CFAP54: variants seen among roughly 807,000 people sequenced by gnomAD.
CFAP54 encodes cilia and flagella associated protein 54.
Under a neutral mutation model 370.4 loss-of-function variants are expected in CFAP54, and 290 were observed. The ratio of observed to expected loss-of-function variants is 0.78; its 90% CI spans 0.71 to 0.86. CFAP54 has a LOEUF of 0.86. Among genes scored for constraint, CFAP54 ranks in the 40% least tolerant of loss-of-function variants. The pLI is 0.00. For synonymous variants in CFAP54, 1,206 were observed against 1,236.5 expected (o/e 0.98, Z 0.52); for missense variants, 3,399 against 3,528.7 (o/e 0.96, Z 0.93).
intron 36 of CFAP54, among the ~76,000 whole-genome samples, chr12:96,655,371 A>G (rs1253799076): frequency 6.6e-6 from 1 of 152,044 alleles, no homozygotes; most frequent in Non-Finnish European, 1.5e-5. Context: ...GGATGACCAA[A>G]TAGTTGATGA....
intron 1 of CFAP54, among the ~76,000 whole-genome samples, chr12:96,498,908 A>G (rs1466289291): frequency 6.6e-6 from 1 of 152,238 alleles, no homozygotes; most frequent in Non-Finnish European, 1.5e-5. Flanking sequence ...TCCAAAATAT[A>G]CGAAGAACTC....
At chr12:96,798,771 T>C (rs770101269) in intron 63 of CFAP54, among the ~76,000 whole-genome samples, 1 of 152,206 alleles carries the variant, frequency 6.6e-6, no homozygotes, top group Non-Finnish European at 1.5e-5. Flanking sequence ...TTTTAAATTA[T>C]TATGTTTTTA....
At chr12:96,500,992 A>G in intron 2 of CFAP54, 53 bp downstream of exon 2, 1 of 1,109,556 alleles carries the variant, frequency 9.0e-7, no homozygotes, top group Admixed American at 2.2e-5. Flanking sequence ...GCTAATTATT[A>G]TTACAGTATT....
intron 38 of CFAP54, among the ~76,000 whole-genome samples, chr12:96,659,938 C>G (rs1015892221): frequency 6.6e-6 from 1 of 152,212 alleles, no homozygotes; most frequent in Admixed American, 6.5e-5. Flanking sequence ...GGTGAGAATA[C>G]AGTTCTGAGT....
chr12:96,841,252 T>C (rs933126306), intron 66 of CFAP54, among the ~76,000 whole-genome samples: 12 of 152,216 alleles, frequency 7.9e-5, no homozygotes, highest in African/African-American at 2.7e-4. Context: ...AACTGCACTT[T>C]CCTGAAGTTT....
intron 14 of CFAP54, among the ~76,000 whole-genome samples, chr12:96,547,123 A>C (rs1955648730): frequency 6.6e-6 from 1 of 152,138 alleles, no homozygotes; most frequent in Admixed American, 6.5e-5. Flanking sequence ...ATAAAGTACA[A>C]GTCTTCTCTG....
intron 27 of CFAP54, 87 bp downstream of exon 27, chr12:96,621,808 T>C (rs373923928): frequency 6.0e-6 from 6 of 1,000,708 alleles, no homozygotes; most frequent in Non-Finnish European, 6.5e-6. Context: ...TATTAGAAAA[T>C]TGGTAAGTTT....
chr12:96,826,549 A>G (rs1461767443), intron 65 of CFAP54, among the ~76,000 whole-genome samples: 2 of 78,526 alleles, frequency 2.5e-5, no homozygotes, highest in African/African-American at 5.3e-5. Flanking sequence ...TATATAATTT[A>G]TATATAATAT....
intron 26 of CFAP54, among the ~76,000 whole-genome samples, chr12:96,614,249 C>T (rs767015042): frequency 1.3e-5 from 2 of 152,098 alleles, no homozygotes; most frequent in Non-Finnish European, 2.9e-5. Context: ...ATAAATAGAA[C>T]CAAAGACAAA....
At chr12:96,799,676 A>AT (rs1958802428) in intron 63 of CFAP54, among the ~76,000 whole-genome samples, 1 of 152,220 alleles carries the variant, frequency 6.6e-6, no homozygotes, top group Non-Finnish European at 1.5e-5. Context: ...TATTTCACAT[A>AT]TTTTAAAAGT....
intron 55 of CFAP54, among the ~76,000 whole-genome samples, chr12:96,750,192 G>A (rs538539145): frequency 6.6e-6 from 1 of 152,278 alleles, no homozygotes; most frequent in African/African-American, 2.4e-5. Context: ...TGCCTGCCCT[G>A]GTTCCCAGGC....
chr12:96,748,160 A>G (rs181994034), intron 55 of CFAP54, among the ~76,000 whole-genome samples: 2 of 152,188 alleles, frequency 1.3e-5, no homozygotes, highest in East Asian at 3.9e-4. Context: ...GCCATCCCCA[A>G]TTAGATGAGA....
chr12:96,626,791 A>T (rs2136471360), intron 29 of CFAP54, 22 bp from the exon 30 acceptor site: 1 of 1,280,334 alleles, frequency 7.8e-7, no homozygotes, highest in Admixed American at 2.8e-5. Flanking sequence ...TTAACTATAT[A>T]TGAACTTCCT....
At chr12:96,724,447 G>T (rs1373096478) in intron 50 of CFAP54, among the ~76,000 whole-genome samples, 14 of 152,230 alleles carry the variant, frequency 9.2e-5, no homozygotes, top group South Asian at 4.1e-4. Flanking sequence ...CATTTTTTCA[G>T]GTGTCTTTTG....
chr12:96,862,708 C>T (rs924758956), intron 67 of CFAP54, among the ~76,000 whole-genome samples: 3 of 152,124 alleles, frequency 2.0e-5, no homozygotes, highest in African/African-American at 7.2e-5. Flanking sequence ...TGTCTATACC[C>T]TCATATGAAA....
intron 40 of CFAP54, 105 bp downstream of exon 40, chr12:96,679,857 A>G (rs910858635): frequency 3.6e-6 from 4 of 1,124,322 alleles, no homozygotes; most frequent in Non-Finnish European, 5.2e-6. Flanking sequence ...TGTACATGCA[A>G]CACTCCCTGA....
At chr12:96,738,870 A>C (rs1177845351) in intron 50 of CFAP54, among the ~76,000 whole-genome samples, 1 of 152,132 alleles carries the variant, frequency 6.6e-6, no homozygotes, top group African/African-American at 2.4e-5. Context: ...TCAGCCTCCC[A>C]AAGTGCTGGG....
chr12:96,805,097 G>A (rs1958863897), intron 63 of CFAP54, among the ~76,000 whole-genome samples: 1 of 151,904 alleles, frequency 6.6e-6, no homozygotes, highest in Non-Finnish European at 1.5e-5. Context: ...ACTGAAGATG[G>A]ATTAATGACC....
At chr12:96,583,099 T>C (rs1415511403) in intron 22 of CFAP54, among the ~76,000 whole-genome samples, 1 of 152,182 alleles carries the variant, frequency 6.6e-6, no homozygotes, top group Admixed American at 6.5e-5. Context: ...CTTTAGGTTG[T>C]ACTTTTTACT....
Sources: allele counts gnomAD v4.1 joint callset (sites outside exome capture counted in the v4.1 genomes callset), GRCh38; gene constraint gnomAD v4.1.1; transcripts MANE v1.5; gene names NCBI Gene and HGNC (gene_info 2026-07-23, HGNC 2026-07-21).